The following ANXA2 variants were observed in gnomAD, a reference collection of about 807,000 sequenced individuals.
ANXA2 encodes the protein annexin A2.
In ANXA2, 28 loss-of-function variants were observed where a neutral mutation model predicts 47.3. The observed-to-expected ratio is 0.59, with a 90% CI of 0.44 to 0.81. The LOEUF (loss-of-function observed/expected upper bound fraction) is 0.81. Ranked by LOEUF, ANXA2 falls within the 40% of genes least tolerant of loss-of-function variation. The probability of loss-of-function intolerance (pLI) is 0.00; values close to 1 mark genes in which losing one functional copy is unlikely to be tolerated. For synonymous variants in ANXA2, 172 were observed against 155.5 expected (o/e 1.11, Z -0.79); for missense variants, 384 against 414.3 (o/e 0.93, Z 0.64).
At chr15:60,396,408 G>C (rs957433653) in intron 1 of ANXA2, 2 of 152,182 alleles carry the variant, frequency 1.3e-5, no homozygotes, top group Non-Finnish European at 2.9e-5. Flanking sequence ...ATGCGTCACG[G>C]AAGAGCCAGA....
chr15:60,349,853 TGAAGGCAGGGAGGCAGGG>T (rs1895914674), intron 11 of ANXA2, among the ~76,000 whole-genome samples: 9 of 39,416 alleles, frequency 2.3e-4, no homozygotes, highest in South Asian at 1.8e-3. Context: ...GGGAGGGAGG[TGAAGGCAGGGAGGCAGGG>T]GAAGGCAAGG....
At chr15:60,386,151 T>C (rs7182242) in intron 1 of ANXA2, 65 bp from the exon 2 acceptor site, 944,772 of 1,146,192 alleles carry the variant, frequency 0.82, 392,106 homozygotes, top group East Asian at 1. Flanking sequence ...AGCACAGCGA[T>C]TCATTATGCT....
chr15:60,347,340 G>A lies in ANXA2; in HGVS notation c.*290C>T. On this transcript the variant is annotated 3_prime_UTR_variant, in exon 13 of 13. Coordinates refer to ENST00000451270, the MANE Select transcript of ANXA2 (RefSeq NM_004039.3). Reference sequence around the variant, plus strand: ...GGGCCACAAAGTACGTGTTTCTAAAGTACAAATTCAGTTTATTCATCTGTT... The same window carrying A: ...GGGCCACAAAGTACGTGTTTCTAAAATACAAATTCAGTTTATTCATCTGTT... The A allele has an allele frequency of 6.6e-6, 3 of 451,320 alleles. No individual in the cohort carries two copies. The highest frequency in any genetic ancestry group is 3.8e-5 in the East Asian group (1 of 26,458). The allele number at this position is 451,320 out of a possible 1,614,324, so 28.0% of individuals were successfully genotyped here.
At chr15:60,357,260 T>A in intron 5 of ANXA2, 24 bp from the exon 6 acceptor site, 2 of 1,600,366 alleles carry the variant, frequency 1.2e-6, no homozygotes, top group Non-Finnish European at 1.7e-6. Flanking sequence ...AGCACGAACA[T>A]CAGCAGGGAA....
chr15:60,381,779 G>T (rs2062863352), intron 3 of ANXA2, among the ~76,000 whole-genome samples: 1 of 152,006 alleles, frequency 6.6e-6, no homozygotes, highest in Non-Finnish European at 1.5e-5. Context: ...GATTTTCCCA[G>T]CAAATGTAAT....
chr15:60,350,137 G>C (rs12101437), intron 11 of ANXA2, among the ~76,000 whole-genome samples: 61 of 33,270 alleles, frequency 1.8e-3, no homozygotes, highest in Middle Eastern at 0.012. Context: ...GGCAGGGAGG[G>C]AGGGGAAGGC....
chr15:60,353,641 C>A (rs374957284), intron 8 of ANXA2, among the ~76,000 whole-genome samples: 1 of 152,166 alleles, frequency 6.6e-6, no homozygotes, highest in Non-Finnish European at 1.5e-5. Context: ...AGAGCCTAAT[C>A]CCCTCCCACT....
At chr15:60,362,785 G>A (rs1245261184) in intron 4 of ANXA2, 1 of 152,176 alleles carries the variant, frequency 6.6e-6, no homozygotes, top group African/African-American at 2.4e-5. Context: ...AGCAAAGCCT[G>A]TGAGATCTTG....
chr15:60,366,409 C>T (rs1368670772), intron 3 of ANXA2, among the ~76,000 whole-genome samples: 1 of 151,022 alleles, frequency 6.6e-6, no homozygotes, highest in Non-Finnish European at 1.5e-5. Flanking sequence ...AGGAGCATCT[C>T]TGCGCGGCCG....
chr15:60,355,529 G>C, intron 7 of ANXA2: 1 of 330,916 alleles, frequency 3.0e-6, no homozygotes. Flanking sequence ...GACTATATGG[G>C]CAAATTCTTC....
chr15:60,397,157 C>G, intron 1 of ANXA2: 1 of 625,610 alleles, frequency 1.6e-6, no homozygotes, highest in Non-Finnish European at 2.0e-6. Flanking sequence ...AGGGAGAGGC[C>G]CCGGGGCCAC....
rs2062564819 is a variant in ANXA2 at position 60,364,505 on chromosome 15, A to T, written c.167T>A (p.Ile56Asn). Residue 56 changes from isoleucine (I) to asparagine (N), a missense_variant, in exon 4 of 13, where the codon ATT (isoleucine) becomes AAT (asparagine). Ile to Asn is a moderately radical substitution (Grantham distance 149). Coordinates refer to ENST00000451270, the MANE Select transcript of ANXA2 (RefSeq NM_004039.3). ...GCTGCGGTTGGTCAAAATGTTGACA[A>T]TGGTGACCTCATCCACACCTATGGA... The part of the protein sequence containing the change: ...IKTKGVDEVT[I>N]VNILTNRSNA... 2 of 1,613,318 alleles carry T rather than the reference A, an allele frequency of 1.2e-6. No individual in the cohort carries two copies. Among genetic ancestry groups the T allele is most frequent in the African/African-American group, 2.7e-5 (2 of 75,008 alleles).
At chr15:60,386,932 TG>T (rs1486931590) in intron 1 of ANXA2, 1 of 152,228 alleles carries the variant, frequency 6.6e-6, no homozygotes, top group Non-Finnish European at 1.5e-5. Context: ...AGCTGCGTCC[TG>T]AAATAGACAG....
intron 8 of ANXA2, among the ~76,000 whole-genome samples, chr15:60,353,181 C>A (rs1469718403): frequency 1.3e-5 from 2 of 152,170 alleles, no homozygotes; most frequent in Non-Finnish European, 2.9e-5. Context: ...TTTTCTGCAG[C>A]TTTTATGACT....
chr15:60,354,646 G>GAAAAGA (rs1487213040), intron 7 of ANXA2, among the ~76,000 whole-genome samples: 1 of 146,964 alleles, frequency 6.8e-6, no homozygotes, highest in South Asian at 2.2e-4. Context: ...AAGAAAGAAA[G>GAAAAGA]AAAAGAAAAA....
chr15:60,351,920 A>T, intron 9 of ANXA2, 101 bp from the exon 10 acceptor site: 1 of 833,134 alleles, frequency 1.2e-6, no homozygotes, highest in Non-Finnish European at 2.0e-6. Context: ...TTAAAAATTG[A>T]GGATGATCAC....
At chr15:60,380,444 T>G (rs1030242495) in intron 3 of ANXA2, among the ~76,000 whole-genome samples, 4 of 151,522 alleles carry the variant, frequency 2.6e-5, no homozygotes, top group African/African-American at 9.7e-5. Flanking sequence ...AGATTTTAGT[T>G]TAATTTTCTG....
At chr15:60,360,606 T>C (rs950938086) in intron 5 of ANXA2, among the ~76,000 whole-genome samples, 18 of 152,196 alleles carry the variant, frequency 1.2e-4, no homozygotes, top group Non-Finnish European at 2.1e-4. Context: ...GCTATGAGTT[T>C]TTTTTTCTTG....
chr15:60,354,645 AGAAAAG>A, intron 7 of ANXA2, among the ~76,000 whole-genome samples: 2 of 151,126 alleles, frequency 1.3e-5, no homozygotes, highest in African/African-American at 4.9e-5. Flanking sequence ...AAAGAAAGAA[AGAAAAG>A]AAAAAGAAAA....
Sources: allele counts gnomAD v4.1 joint callset (sites outside exome capture counted in the v4.1 genomes callset), GRCh38; gene constraint gnomAD v4.1.1; transcripts MANE v1.5; gene names NCBI Gene and HGNC (gene_info 2026-07-23, HGNC 2026-07-21).